CADM2: variants seen among roughly 807,000 people sequenced by gnomAD.
The protein encoded by CADM2 is immunoglobulin superfamily member 4D.
CADM2 carries 12 observed loss-of-function variants against 49.8 expected under a neutral mutation model. The observed-to-expected ratio is 0.24, with a 90% CI of 0.15 to 0.39. The LOEUF is 0.39. CADM2 is among the 10% of genes least tolerant of loss of function. CADM2 has a pLI of 1.00. For synonymous variants in CADM2, 214 were observed against 175.4 expected, an observed-to-expected ratio of 1.22 and a Z score of -1.74; for missense variants, 378 against 492.3, an observed-to-expected ratio of 0.77 and a Z score of 2.20.
intron 2 of CADM2, chr3:85,801,001 G>A (rs1176669419): frequency 6.6e-6 from 1 of 152,166 alleles, no homozygotes; most frequent in Non-Finnish European, 1.5e-5. Flanking sequence ...AGTCATTATA[G>A]TGTTCTTGCA....
chr3:85,567,881 G>A (rs1285296009), intron 1 of CADM2, among the ~76,000 whole-genome samples: 1 of 152,184 alleles, frequency 6.6e-6, no homozygotes, highest in African/African-American at 2.4e-5. Flanking sequence ...TGGTAGAAGT[G>A]CTGGAGTCCA....
At chr3:85,120,644 A>T (rs1001485124) in intron 1 of CADM2, among the ~76,000 whole-genome samples, 1 of 152,050 alleles carries the variant, frequency 6.6e-6, no homozygotes, top group East Asian at 1.9e-4. Context: ...ACATGGACAT[A>T]GGGAGGGGAA....
At chr3:85,899,023 C>G (rs370643091) in intron 5 of CADM2, among the ~76,000 whole-genome samples, 2 of 126,118 alleles carry the variant, frequency 1.6e-5, no homozygotes, top group East Asian at 2.5e-4. Context: ...TGGAGTGCAG[C>G]GGTGCAATCT....
At chr3:85,018,783 T>A (rs2034370222) in intron 1 of CADM2, among the ~76,000 whole-genome samples, 1 of 152,170 alleles carries the variant, frequency 6.6e-6, no homozygotes, top group African/African-American at 2.4e-5. Flanking sequence ...TATTTAAAAA[T>A]AAATTCTGTC....
chr3:85,588,638 G>A (rs1267098477), intron 1 of CADM2, among the ~76,000 whole-genome samples: 3 of 152,014 alleles, frequency 2.0e-5, no homozygotes, highest in African/African-American at 7.2e-5. Context: ...GCTCTGCTGT[G>A]TACTGATTTT....
At chr3:86,028,223 C>CAAA (rs371077792) in intron 8 of CADM2, among the ~76,000 whole-genome samples, 12 of 116,100 alleles carry the variant, frequency 1.0e-4, no homozygotes, top group African/African-American at 3.5e-4. Context: ...AAAAAGAAGT[C>CAAA]AAAAAAAAAA....
chr3:85,986,314 T>C (rs936577489), intron 8 of CADM2, among the ~76,000 whole-genome samples: 4 of 152,122 alleles, frequency 2.6e-5, no homozygotes, highest in African/African-American at 9.6e-5. Flanking sequence ...AAAATCATTA[T>C]AGCTCTGAGT....
chr3:85,915,880 T>C (rs1022233914), intron 6 of CADM2, among the ~76,000 whole-genome samples: 2 of 152,154 alleles, frequency 1.3e-5, no homozygotes, highest in Non-Finnish European at 2.9e-5. Flanking sequence ...TATATATTCC[T>C]ACAATAATGG....
chr3:85,287,583 AAAC>A (rs1461750426), intron 1 of CADM2, among the ~76,000 whole-genome samples: 4 of 152,126 alleles, frequency 2.6e-5, no homozygotes, highest in Admixed American at 1.3e-4. Context: ...TTTGTCATCA[AAAC>A]AACAATAACA....
chr3:85,622,330 T>C (rs2064000759), intron 1 of CADM2, among the ~76,000 whole-genome samples: 1 of 152,210 alleles, frequency 6.6e-6, no homozygotes, highest in African/African-American at 2.4e-5. Context: ...ATTCTAATCC[T>C]GTTTTCTACA....
intron 1 of CADM2, among the ~76,000 whole-genome samples, chr3:85,299,624 G>T (rs1000820050): frequency 6.6e-6 from 1 of 151,996 alleles, no homozygotes; most frequent in Non-Finnish European, 1.5e-5. Flanking sequence ...AAGCTGTTCT[G>T]CCTGGCCTCC....
intron 3 of CADM2, among the ~76,000 whole-genome samples, chr3:85,880,240 A>T (rs1712541725): frequency 6.6e-6 from 1 of 152,170 alleles, no homozygotes; most frequent in Non-Finnish European, 1.5e-5. Flanking sequence ...CCTTACTTCC[A>T]CTAGGTATCT....
intron 1 of CADM2, among the ~76,000 whole-genome samples, chr3:85,391,317 A>T (rs1392246008): frequency 2.0e-5 from 3 of 152,120 alleles, no homozygotes; most frequent in Non-Finnish European, 4.4e-5. Flanking sequence ...TTGTGATAAA[A>T]AGAGGACATA....
intron 1 of CADM2, among the ~76,000 whole-genome samples, chr3:85,429,112 T>C (rs980466906): frequency 1.3e-5 from 2 of 152,066 alleles, no homozygotes; most frequent in Non-Finnish European, 2.9e-5. Context: ...CATTCTGCTA[T>C]GGAAGCAGCA....
In CADM2 at chr3:85,280,383, C is replaced by G. The variant is rs532491647; in HGVS notation, c.61+320715C>G. On this transcript the variant is annotated intron_variant, in intron 1 of 9. Coordinates refer to ENST00000383699, the MANE Select transcript of CADM2 (RefSeq NM_001167675.2). ...AACTTGCATCTGTCATTCTACTCTC[C>G]TTTGACCTGCAAAATTTCTGCTGAA... Among the ~76,000 whole-genome samples the G allele has an allele frequency of 5.9e-5, 9 of 151,492 alleles. No homozygotes were observed. The South Asian group carries it at 1.9e-3, about 31-fold the overall frequency.
intron 2 of CADM2, among the ~76,000 whole-genome samples, chr3:85,747,411 T>C (rs2068660066): frequency 6.6e-6 from 1 of 152,158 alleles, no homozygotes; most frequent in African/African-American, 2.4e-5. Context: ...CTTGTATGTT[T>C]GTATATTAAT....
chr3:84,979,378 A>G (rs1559599800), intron 1 of CADM2, among the ~76,000 whole-genome samples: 1 of 152,130 alleles, frequency 6.6e-6, no homozygotes, highest in South Asian at 2.1e-4. Context: ...AAGTATATAA[A>G]TCAATAAATC....
intron 1 of CADM2, among the ~76,000 whole-genome samples, chr3:85,115,054 C>T (rs1276394774): frequency 6.6e-6 from 1 of 152,056 alleles, no homozygotes; most frequent in Non-Finnish European, 1.5e-5. Flanking sequence ...TTTATATCTA[C>T]CTGGAATGCT....
At chr3:85,863,587 C>T (rs1194957453) in intron 3 of CADM2, among the ~76,000 whole-genome samples, 1 of 152,158 alleles carries the variant, frequency 6.6e-6, no homozygotes, top group Admixed American at 6.6e-5. Flanking sequence ...CAGGATAATG[C>T]AGCACAAGGC....
Sources: allele counts gnomAD v4.1 joint callset (sites outside exome capture counted in the v4.1 genomes callset), GRCh38; gene constraint gnomAD v4.1.1; transcripts MANE v1.5; gene names NCBI Gene and HGNC (gene_info 2026-07-23, HGNC 2026-07-21).